Variants in CACNA2D2 observed in about 807,000 individuals in gnomAD.
The protein encoded by CACNA2D2 is calcium voltage-gated channel auxiliary subunit alpha2delta 2.
Under a neutral mutation model 166.4 loss-of-function variants are expected in CACNA2D2, and 48 were observed. The ratio of observed to expected loss-of-function variants is 0.29; its 90% CI spans 0.23 to 0.37. CACNA2D2 has a LOEUF of 0.37. Among genes scored for constraint, CACNA2D2 ranks in the 10% least tolerant of loss-of-function variants. The pLI, the probability that CACNA2D2 is intolerant of heterozygous loss-of-function variation, is 1.00. For synonymous variants in CACNA2D2, 561 were observed against 573.7 expected (o/e 0.98, Z 0.32); for missense variants, 1,122 against 1,433.0 (o/e 0.78, Z 3.50).
intron 1 of CACNA2D2, 108 bp downstream of exon 1, chr3:50,503,110 C>T (rs2107204488): frequency 1.4e-5 from 8 of 582,090 alleles, no homozygotes; most frequent in East Asian, 5.0e-5. Flanking sequence ...GCAGCCGGAC[C>T]CAGCGCCTCT....
chr3:50,496,423 T>C (rs1698727350), intron 1 of CACNA2D2, among the ~76,000 whole-genome samples: 1 of 152,136 alleles, frequency 6.6e-6, no homozygotes, highest in African/African-American at 2.4e-5. Flanking sequence ...CACACAGGTG[T>C]AGACACGCCC....
At chr3:50,499,755 T>G (rs1698877423) in intron 1 of CACNA2D2, among the ~76,000 whole-genome samples, 1 of 152,088 alleles carries the variant, frequency 6.6e-6, no homozygotes, top group South Asian at 2.1e-4. Context: ...GAATCTGGAG[T>G]GAGATTCACC....
chr3:50,386,712 C>T (rs1473091353), intron 5 of CACNA2D2, among the ~76,000 whole-genome samples: 1 of 152,182 alleles, frequency 6.6e-6, no homozygotes, highest in East Asian at 1.9e-4. Flanking sequence ...CCACCAAGCC[C>T]GCAGGCCTAA....
At position 50,418,643 on chromosome 3, in the gene CACNA2D2, T is replaced by C. The variant is rs550388001; in HGVS notation, c.405+15670A>G. On this transcript the variant is annotated intron_variant, in intron 3 of 37. Transcript: ENST00000424201. ...TGGGGGGCCAGTGTGCAGGGATCTT[T>C]GTTCTAGCTCCACAGGGCCATGGCC... 1.1e-3 allele frequency among the ~76,000 whole-genome samples: 167 copies of C among 152,320 alleles called. 2 individuals carry two copies. Among genetic ancestry groups the C allele is most frequent in the Non-Finnish European group, 1.0e-4 (7 of 68,020 alleles).
intron 1 of CACNA2D2, among the ~76,000 whole-genome samples, chr3:50,497,611 C>A (rs997278106): frequency 6.6e-6 from 1 of 152,224 alleles, no homozygotes; most frequent in Non-Finnish European, 1.5e-5. Flanking sequence ...AGTGGCAGGG[C>A]AGGGCTTGGC....
At chr3:50,381,981 T>C (rs1417580548) in intron 6 of CACNA2D2, among the ~76,000 whole-genome samples, 2 of 133,346 alleles carry the variant, frequency 1.5e-5, no homozygotes, top group African/African-American at 5.9e-5. Context: ...GATCTATCCC[T>C]ACACACACAC....
intron 2 of CACNA2D2, among the ~76,000 whole-genome samples, chr3:50,437,986 G>A (rs554737372): frequency 7.2e-5 from 11 of 152,336 alleles, no homozygotes; most frequent in African/African-American, 2.4e-4. Context: ...GGAGCACGAC[G>A]GGGCCCAGCT....
chr3:50,494,958 C>T (rs1361397595), intron 1 of CACNA2D2, among the ~76,000 whole-genome samples: 1 of 152,196 alleles, frequency 6.6e-6, no homozygotes. Flanking sequence ...GTACAGGCGT[C>T]AGCCACTGCA....
At chr3:50,464,526 C>T (rs1355412294) in intron 2 of CACNA2D2, among the ~76,000 whole-genome samples, 1 of 152,178 alleles carries the variant, frequency 6.6e-6, no homozygotes, top group Non-Finnish European at 1.5e-5. Context: ...TCCTGGGAAA[C>T]CCTGTCTGCT....
chr3:50,466,523 G>A (rs1278792579), intron 2 of CACNA2D2, among the ~76,000 whole-genome samples: 1 of 152,118 alleles, frequency 6.6e-6, no homozygotes. Context: ...ACACACAAAC[G>A]CTCACATGTT....
intron 1 of CACNA2D2, among the ~76,000 whole-genome samples, chr3:50,488,866 A>AT (rs1361261764): frequency 3.3e-5 from 5 of 151,404 alleles, no homozygotes; most frequent in African/African-American, 7.3e-5. Context: ...CACCTGGCTA[A>AT]TTTTTTTGTA....
intron 3 of CACNA2D2, among the ~76,000 whole-genome samples, chr3:50,409,568 C>T (rs746492452): frequency 1.1e-4 from 17 of 152,382 alleles, no homozygotes; most frequent in South Asian, 2.1e-4. Flanking sequence ...TGGCCAGCAT[C>T]GCTCATTAAT....
At chr3:50,474,667 G>A (rs1278920911) in intron 2 of CACNA2D2, among the ~76,000 whole-genome samples, 3 of 152,174 alleles carry the variant, frequency 2.0e-5, no homozygotes, top group Admixed American at 2.0e-4. Context: ...ATGTGGTATA[G>A]CTTATGTCCC....
intron 3 of CACNA2D2, among the ~76,000 whole-genome samples, chr3:50,411,504 T>C (rs1460026244): frequency 6.6e-6 from 1 of 152,170 alleles, no homozygotes; most frequent in Non-Finnish European, 1.5e-5. Context: ...ACCAAGGAAA[T>C]CTTGTGCGCC....
intron 1 of CACNA2D2, among the ~76,000 whole-genome samples, chr3:50,479,480 T>C (rs1204320427): frequency 6.6e-6 from 1 of 152,242 alleles, no homozygotes; most frequent in East Asian, 1.9e-4. Flanking sequence ...AAATAATTCA[T>C]TCCATTGTCA....
chr3:50,471,217 G>A lies in CACNA2D2; in HGVS notation c.288+4901C>T, dbSNP rs367811216. Among the ~76,000 whole-genome samples, 5 of 152,056 alleles carry A rather than the reference G, an allele frequency of 3.3e-5. No homozygotes were observed. The South Asian group carries it at 6.2e-4, about 19-fold the overall frequency. ...CTGGAGATGCTGGCTTCAAGGCTGCGGGAGCCCTGCAGAGGGGCTGTGCCA... is the reference window on the plus strand; with the variant it reads ...CTGGAGATGCTGGCTTCAAGGCTGCAGGAGCCCTGCAGAGGGGCTGTGCCA... On this transcript the variant is annotated intron_variant, in intron 2 of 37. Transcript: ENST00000424201.
rs116704882 is a variant in CACNA2D2, at chr3:50,496,259, G to A, written c.206+6959C>T. The stretch of plus-strand genomic sequence containing the variant: ...CATTTGACTTCATATGCACATACAC[G>A]CACACACCTACTGCTGCCTACACAC... On this transcript the variant is annotated intron_variant, in intron 1 of 37. Coordinates refer to ENST00000424201, the MANE Select transcript of CACNA2D2 (RefSeq NM_006030.4). Among the ~76,000 whole-genome samples the A allele has an allele frequency of 5.3e-3, 809 of 152,244 alleles. 10 individuals are homozygous for A. The highest frequency in any genetic ancestry group is 0.018 in the African/African-American group (756 of 41,530).
In CACNA2D2 at chr3:50,365,741, C is replaced by G; in HGVS notation, c.2916-53G>C. The G allele has an allele frequency of 1.2e-6, 2 of 1,606,514 alleles. No individual in the cohort carries two copies. The highest frequency in any genetic ancestry group is 1.7e-6 in the Non-Finnish European group (2 of 1,176,648). On this transcript the variant is annotated intron_variant, in intron 33 of 37. Coordinates refer to ENST00000424201, the MANE Select transcript of CACNA2D2 (RefSeq NM_006030.4). The surrounding 1 kb of genome is among the most constrained non-coding windows in gnomAD (Gnocchi z 4.5). ...GTGGTCAGCAGAGGACGATGCCATG[C>G]CCTACTTCTCTTCTGAGCCCTCCCG...
chr3:50,365,385 G>A lies in CACNA2D2; in HGVS notation c.3069C>T (p.Asn1023=), dbSNP rs1196821900. ...AGCAGTTTCCGCAGTCGATGATGGC[G>A]TTGTAGGAGGCGTTTACCGAGCCGA... ...YYFGSVNASY[N]AIIDCGNCSR... The change falls in exon 35 of 38, where the codon AAC becomes AAT. Residue 1023 remains asparagine, a synonymous_variant. Transcript: ENST00000424201. This position sits in a 1 kb window ranked among gnomAD's most constrained non-coding sequence, Gnocchi z 4.5. 6.2e-7 allele frequency: 1 copy of A among 1,613,420 alleles called. No homozygotes were observed.
Sources: gnomAD v4.1 joint callset for allele counts (sites outside exome capture counted in the v4.1 genomes callset) on GRCh38, gnomAD v4.1.1 for gene constraint, Gnocchi (gnomAD v3.1) non-coding constraint, MANE v1.5 for transcripts, NCBI Gene and HGNC (gene_info 2026-07-23, HGNC 2026-07-21) for gene names.